TECPR1: variants seen among roughly 807,000 people sequenced by gnomAD.
TECPR1 encodes tectonin beta-propeller repeat containing 1.
TECPR1 carries 122 observed loss-of-function variants against 162.4 expected under a neutral mutation model. That is an observed-to-expected ratio of 0.75 (90% CI 0.65 to 0.87). The LOEUF is 0.87. Among genes scored for constraint, TECPR1 ranks in the 40% least tolerant of loss-of-function variants. TECPR1 has a pLI of 0.00. For synonymous variants in TECPR1, 642 were observed against 670.6 expected (o/e 0.96, Z 0.66); for missense variants, 1,432 against 1,618.2 (o/e 0.88, Z 1.97).
At chr7:98,246,715 T>G (rs1798921365) in intron 2 of TECPR1, among the ~76,000 whole-genome samples, 1 of 152,012 alleles carries the variant, frequency 6.6e-6, no homozygotes, top group Non-Finnish European at 1.5e-5. Flanking sequence ...CCCCAGTAGT[T>G]GGGACTACAG....
At chr7:98,233,241 G>T in intron 11 of TECPR1, 180 bp downstream of exon 11, 1 of 932,026 alleles carries the variant, frequency 1.1e-6, no homozygotes, top group Non-Finnish European at 1.5e-6. Context: ...GACAGCCTCG[G>T]GCTGGTCTCT....
chr7:98,244,682 G>A lies in TECPR1; in HGVS notation c.420C>T (p.Tyr140=), dbSNP rs1874344. 424,409 of 1,610,466 alleles carry A rather than the reference G, an allele frequency of 0.26. 58,927 individuals are homozygous for A. Among genetic ancestry groups the A allele is most frequent in the East Asian group, 0.47 (21,205 of 44,800 alleles). ...TGTAGGTGGCGGGAAAGTCGATGGCGTACGTCCACCCCTGAAACACCAAGG... is the reference window on the plus strand; with the variant it reads ...TGTAGGTGGCGGGAAAGTCGATGGCATACGTCCACCCCTGAAACACCAAGG... ...GEPTEKGGWT[Y]AIDFPATYTK... is the part of the protein sequence containing the mutation. Residue 140 remains tyrosine, a synonymous_variant, in exon 5 of 26, where the codon TAC becomes TAT. Coordinates refer to ENST00000447648, the MANE Select transcript of TECPR1 (RefSeq NM_015395.3).
chr7:98,224,847 C>A lies in TECPR1; in HGVS notation c.2644G>T (p.Gly882Trp). 6.3e-7 allele frequency: 1 copy of A among 1,576,042 alleles called. No homozygotes were observed. The highest frequency in any genetic ancestry group is 8.6e-7 in the Non-Finnish European group (1 of 1,161,416). ...SDWFVDFSVP[G>W]GTDQEGWQYA... ...TGCCACCCCTCCTGGTCCGTGCCCC[C>A]CGGAACGCTGAAATCCACGAACCAG... Residue 882 changes from glycine to tryptophan, a missense_variant, in exon 19 of 26, where the codon GGG (glycine) becomes TGG (tryptophan). Gly to Trp is a radical substitution (Grantham distance 184). Coordinates refer to ENST00000447648, the MANE Select transcript of TECPR1 (RefSeq NM_015395.3).
chr7:98,235,839 A>AC (rs1562940340), intron 10 of TECPR1, among the ~76,000 whole-genome samples: 1 of 130,660 alleles, frequency 7.7e-6, no homozygotes, highest in African/African-American at 2.6e-5. Flanking sequence ...AAAAAAAAAA[A>AC]AAAAAAAAAA....
At chr7:98,239,415 T>A (rs6963518) in intron 8 of TECPR1, among the ~76,000 whole-genome samples, 3 of 151,934 alleles carry the variant, frequency 2.0e-5, no homozygotes, top group Non-Finnish European at 4.4e-5. Flanking sequence ...ACTAGTCAGG[T>A]GTGGTGGTAC....
intron 2 of TECPR1, among the ~76,000 whole-genome samples, chr7:98,247,597 G>A: frequency 6.6e-6 from 1 of 152,152 alleles, no homozygotes; most frequent in African/African-American, 2.4e-5. Flanking sequence ...GGCACGTTGA[G>A]AGCCAACGTG....
intron 21 of TECPR1, 150 bp from the exon 22 acceptor site, chr7:98,222,671 C>T (rs375924002): frequency 2.8e-5 from 29 of 1,025,582 alleles, no homozygotes; most frequent in Middle Eastern, 3.1e-4. Flanking sequence ...GGCCTGATCT[C>T]GGTGCTTGTT....
In TECPR1 at chr7:98,244,588, G is replaced by C. The variant is rs546195382; in HGVS notation, c.514C>G (p.Arg172Gly). Reference protein sequence around the residue: ...KWIRYRRYKSRDIWAKIPSKD... With the variant: ...KWIRYRRYKSGDIWAKIPSKD... ...ACAGAGACCTTGGCCCAGATGTCCC[G>C]GGACTTGTATCTCCTGTACCGGATC... Residue 172 changes from arginine (R) to glycine (G), a missense_variant, in exon 5 of 26, where the codon CGG becomes GGG. Transcript: ENST00000447648. 3.7e-6 allele frequency: 6 copies of C among 1,610,176 alleles called. No homozygotes were observed. The Admixed American group carries it at 8.4e-5, about 22-fold the overall frequency.
intron 21 of TECPR1, 108 bp downstream of exon 21, chr7:98,222,882 G>A: frequency 7.1e-7 from 1 of 1,410,170 alleles, no homozygotes; most frequent in Non-Finnish European, 9.8e-7. Flanking sequence ...CGGACCACAG[G>A]CAGTGTCCAC....
intron 15 of TECPR1, among the ~76,000 whole-genome samples, chr7:98,230,351 G>A (rs1798392387): frequency 6.6e-6 from 1 of 151,900 alleles, no homozygotes; most frequent in African/African-American, 2.4e-5. Context: ...TGTCTCCTAG[G>A]CTTGTGCGCC....
Position 98,221,673 on chromosome 7 carries a change from G to T in TECPR1, c.3145C>A (p.Leu1049Met). ...AAGAGCAACTTGCCATTCTCATCCA[G>T]GGCATACACCGACGTCTGCCCCGCG... is the stretch of plus-strand genomic sequence containing the variant. ...VSAGQTSVYA[L>M]DENGNLWYRQ... is the part of the protein sequence containing the mutation. Residue 1049 changes from leucine to methionine, a missense_variant, in exon 23 of 26, where the codon CTG becomes ATG. Leu to Met is a conservative substitution (Grantham distance 15). Coordinates refer to ENST00000447648, the MANE Select transcript of TECPR1 (RefSeq NM_015395.3). 6.2e-7 allele frequency: 1 copy of T among 1,613,058 alleles called. No homozygotes were observed. The highest frequency in any genetic ancestry group is 2.2e-5 in the East Asian group (1 of 44,818).
chr7:98,245,173 C>A, intron 3 of TECPR1, 106 bp from the exon 4 acceptor site: 3 of 1,236,986 alleles, frequency 2.4e-6, no homozygotes, highest in African/African-American at 1.5e-5. Flanking sequence ...AGCCGACCCC[C>A]TCATTGATCT....
chr7:98,236,811 G>A lies in TECPR1; in HGVS notation c.1146C>T (p.Asp382=). Residue 382 remains aspartate, a synonymous_variant, in exon 10 of 26, where the codon GAC becomes GAT. Transcript: ENST00000447648. ...WKAIIAAREC[D]RSHSGSSSSL... is the part of the protein sequence containing the mutation. ...TAGACGAGCTGCCAGAGTGTGACCG[G>A]TCACACTCTCGGGCCGCGATGATGG... The A allele has an allele frequency of 6.3e-7, 1 of 1,588,874 alleles. No homozygotes were observed. The highest frequency in any genetic ancestry group is 8.5e-7 in the Non-Finnish European group (1 of 1,171,808).
At position 98,225,566 on chromosome 7, in the gene TECPR1, G is replaced by C. The variant is rs1484630999; in HGVS notation, c.2514-464C>G. On this transcript the variant is annotated intron_variant, in intron 17 of 25. Transcript: ENST00000447648. The stretch of plus-strand genomic sequence containing the variant: ...CAAAAAAAAAAGGCGGGGGGAGGGG[G>C]GAAAATTTGGACACAGACACATGCA... Among the ~76,000 whole-genome samples the C allele has an allele frequency of 2.6e-5, 4 of 151,708 alleles. No homozygotes were observed. The South Asian group carries it at 6.2e-4, about 24-fold the overall frequency.
At chr7:98,222,170 G>C (rs774141320) in intron 22 of TECPR1, among the ~76,000 whole-genome samples, 1 of 152,180 alleles carries the variant, frequency 6.6e-6, no homozygotes, top group Non-Finnish European at 1.5e-5. Context: ...GCAGGGCCGA[G>C]ACACAGGGGC....
At position 98,238,719 on chromosome 7, in the gene TECPR1, G is replaced by A. The variant is rs1281401206; in HGVS notation, c.934-109C>T. On this transcript the variant is annotated intron_variant, in intron 8 of 25. Transcript: ENST00000447648. ...TGAATAATTTGATCCTTTGGTTCAC[G>A]TCGCAAATGAGCAGTGGTACATCAT... 8 of 916,752 alleles carry A rather than the reference G, an allele frequency of 8.7e-6. No individual in the cohort carries two copies. The East Asian group carries it at 1.1e-4, about 12-fold the overall frequency. The allele number at this position is 916,752 out of a possible 1,614,324, so 56.8% of individuals were successfully genotyped here. A position where few individuals can be genotyped will look rare whatever the true frequency, so the allele number is the denominator to read the frequency against.
chr7:98,222,566 C>T lies in TECPR1; in HGVS notation c.2929-45G>A, dbSNP rs758465189. ...GCGCTGAGGTCACCAGGGCCCCCAC[C>T]CCCAGGGCCCCACCTCCAGGACCAG... On this transcript the variant is annotated intron_variant, in intron 21 of 25. Transcript: ENST00000447648. 3.9e-6 allele frequency: 6 copies of T among 1,540,994 alleles called. 1 individual carries two copies. Among genetic ancestry groups the T allele is most frequent in the East Asian group, 4.9e-5 (2 of 40,878 alleles).
chr7:98,219,547 A>G (rs1798093411), intron 23 of TECPR1, among the ~76,000 whole-genome samples: 1 of 152,212 alleles, frequency 6.6e-6, no homozygotes, highest in Non-Finnish European at 1.5e-5. Context: ...CACACACAAA[A>G]AACAAAAAAC....
At chr7:98,246,457 G>T (rs567704998) in intron 2 of TECPR1, among the ~76,000 whole-genome samples, 3 of 151,890 alleles carry the variant, frequency 2.0e-5, no homozygotes, top group East Asian at 3.9e-4. Flanking sequence ...AGTAGAGACG[G>T]GGTTTCGCCA....
Sources: allele counts gnomAD v4.1 joint callset (sites outside exome capture counted in the v4.1 genomes callset), GRCh38; gene constraint gnomAD v4.1.1; transcripts MANE v1.5; gene names NCBI Gene and HGNC (gene_info 2026-07-23, HGNC 2026-07-21).